APRT: variants seen among roughly 807,000 people sequenced by gnomAD.
APRT encodes the protein AMP diphosphorylase.
In APRT, 25 loss-of-function variants were observed where a neutral mutation model predicts 21.0. The ratio of observed to expected loss-of-function variants is 1.19; its 90% CI spans 0.87 to 1.66. The LOEUF (loss-of-function observed/expected upper bound fraction) is 1.66. Among genes scored for constraint, APRT ranks in the 40% most tolerant of loss-of-function variants. APRT has a pLI of 0.00. For missense variants in APRT, 294 were observed against 232.7 expected (o/e 1.26, Z -1.72); for synonymous variants, 153 against 109.0 (o/e 1.40, Z -2.52).
At chr16:88,811,519 A>G (rs1169324497) in intron 2 of APRT, 31 bp downstream of exon 2, 1 of 1,552,388 alleles carries the variant, frequency 6.4e-7, no homozygotes, top group East Asian at 2.4e-5. Flanking sequence ...CAGAGGCGGA[A>G]GCGCCCTAGA....
chr16:88,811,201 C>G, intron 2 of APRT: 3 of 473,530 alleles, frequency 6.3e-6, no homozygotes, highest in Non-Finnish European at 1.1e-5. Context: ...CAGGGAAGGC[C>G]TGGCTCGTGG....
chr16:88,810,933 G>A (rs978951836), intron 2 of APRT, among the ~76,000 whole-genome samples: 1 of 152,160 alleles, frequency 6.6e-6, no homozygotes, highest in African/African-American at 2.4e-5. Flanking sequence ...ATGGTTGGGG[G>A]ACGCTCAGGG....
chr16:88,811,352 G>C lies in APRT; in HGVS notation c.187+198C>G. On this transcript the variant is annotated intron_variant, in intron 2 of 4. Coordinates refer to ENST00000378364, the MANE Select transcript of APRT (RefSeq NM_000485.3). ...CTGGGCTGGGGACCCGGAACCTGCG[G>C]GAAGGACGCCTGCACAGCGCGGCGG... 3 of 611,424 alleles carry C rather than the reference G, an allele frequency of 4.9e-6. No homozygotes were observed. In the South Asian group the frequency reaches 6.0e-5, roughly 12 times the overall value. 37.9% of individuals were successfully genotyped at this position (611,424 alleles called of 1,614,324 possible).
At position 88,809,689 on chromosome 16, in the gene APRT, GC is replaced by G. The variant is rs1489679419; in HGVS notation, c.*8del. 2 of 1,613,260 alleles carry G rather than the reference GC, an allele frequency of 1.2e-6. No individual in the cohort carries two copies. Among genetic ancestry groups the G allele is most frequent in the South Asian group, 2.2e-5 (2 of 91,088 alleles). On this transcript the variant is annotated 3_prime_UTR_variant, in exon 5 of 5. Coordinates refer to ENST00000378364, the MANE Select transcript of APRT (RefSeq NM_000485.3). ...CCAGCTGGAGATGTTGGGCTGGGAG[GC>G]CCTGTGGTCACTCATACTGCAGGAG... is the stretch of plus-strand genomic sequence containing the variant.
At chr16:88,811,782 G>A (rs1909156080) in intron 1 of APRT, 38 bp downstream of exon 1, 1 of 1,531,444 alleles carries the variant, frequency 6.5e-7, no homozygotes, top group Non-Finnish European at 8.8e-7. Context: ...CCGTAGGCCC[G>A]CAGGTCGGGG....
intron 2 of APRT, 121 bp downstream of exon 2, chr16:88,811,429 C>G (rs1051392502): frequency 5.5e-6 from 6 of 1,084,806 alleles, no homozygotes; most frequent in Non-Finnish European, 5.3e-6. Context: ...GCACGGCGCC[C>G]GTCCCGGCGC....
intron 2 of APRT, chr16:88,811,238 G>C (rs896031268): frequency 8.2e-6 from 4 of 490,276 alleles, no homozygotes; most frequent in Non-Finnish European, 1.1e-5. Flanking sequence ...GCTCGCAGAA[G>C]GAACAAGAAG....
chr16:88,809,358 G>C lies in APRT; in HGVS notation c.*340C>G, dbSNP rs8191501. 1,628 of 477,980 alleles carry C rather than the reference G, an allele frequency of 3.4e-3. 34 individuals carry two copies. Among genetic ancestry groups the C allele is most frequent in the South Asian group, 0.025 (1,539 of 62,452 alleles). 29.6% of individuals were successfully genotyped at this position (477,980 alleles called of 1,614,324 possible). A position where few individuals can be genotyped will look rare whatever the true frequency, so the allele number is the denominator to read the frequency against. On this transcript the variant is annotated 3_prime_UTR_variant, in exon 5 of 5. Coordinates refer to ENST00000378364, the MANE Select transcript of APRT (RefSeq NM_000485.3). ...TTCTAGCTCCTGAGGTGAGAACCAG[G>C]ACAGGTTCTGCTGGGCATCACGCCA...
intron 1 of APRT, 65 bp downstream of exon 1, chr16:88,811,755 G>A: frequency 1.3e-6 from 2 of 1,509,794 alleles, no homozygotes; most frequent in Non-Finnish European, 1.8e-6. Context: ...CGGAGGTCGC[G>A]GGCCACGCGC....
intron 1 of APRT, 47 bp from the exon 2 acceptor site, chr16:88,811,703 G>C: frequency 1.3e-6 from 2 of 1,510,040 alleles, no homozygotes; most frequent in Non-Finnish European, 1.8e-6. Context: ...AAGGAGGGCA[G>C]GGCCCCGGGG....
In APRT at chr16:88,809,828, G is replaced by T; in HGVS notation, c.413C>A (p.Ala138Asp). 1 of 1,612,256 alleles carries T rather than the reference G, an allele frequency of 6.2e-7. No homozygotes were observed. Among genetic ancestry groups the T allele is most frequent in the Non-Finnish European group, 8.5e-7 (1 of 1,179,888 alleles). Residue 138 changes from alanine (A) to aspartate (D), a missense_variant, in exon 5 of 5, where the codon GCT becomes GAT. Physicochemically the swap from Ala to Asp is moderately radical, Grantham distance 126. Coordinates refer to ENST00000378364, the MANE Select transcript of APRT (RefSeq NM_000485.3). ...DLLATGGTMN[A>D]ACELLGRLQA... The stretch of plus-strand genomic sequence containing the variant: ...CAGGCGGCCCAGCAGCTCACAGGCA[G>T]CGTTCATGGTTCCTGGGGATGGGAG...
At chr16:88,810,299 C>A in intron 3 of APRT, 124 bp downstream of exon 3, 2 of 1,519,840 alleles carry the variant, frequency 1.3e-6, no homozygotes, top group Middle Eastern at 1.7e-4. Flanking sequence ...CCTCTCTGAG[C>A]TCCCAAGGCC....
intron 4 of APRT, 56 bp downstream of exon 4, chr16:88,810,014 T>C: frequency 6.3e-7 from 1 of 1,594,972 alleles, no homozygotes; most frequent in Non-Finnish European, 8.6e-7. Context: ...CGAGGTCCTG[T>C]CCCACTCCCA....
intron 4 of APRT, 66 bp downstream of exon 4, chr16:88,810,004 C>T (rs879204584): frequency 3.9e-5 from 62 of 1,584,544 alleles, no homozygotes; most frequent in Admixed American, 3.0e-4. Flanking sequence ...TGTCACACAG[C>T]GAGGTCCTGT....
chr16:88,810,593 G>A (rs200360230), intron 2 of APRT, 37 bp from the exon 3 acceptor site: 58 of 1,605,392 alleles, frequency 3.6e-5, no homozygotes, highest in Non-Finnish European at 7.6e-6. Context: ...TCGGCAGCAT[G>A]GGAATCCCCA....
At chr16:88,811,288 A>G in intron 2 of APRT, 1 of 560,316 alleles carries the variant, frequency 1.8e-6, no homozygotes, top group Non-Finnish European at 3.2e-6. Flanking sequence ...TGGGCACTCC[A>G]GGGAGACCAA....
At chr16:88,811,289 G>T in intron 2 of APRT, 1 of 560,902 alleles carries the variant, frequency 1.8e-6, no homozygotes. Flanking sequence ...GGGCACTCCA[G>T]GGAGACCAAC....
intron 1 of APRT, 80 bp from the exon 2 acceptor site, chr16:88,811,736 C>T: frequency 6.7e-7 from 1 of 1,500,894 alleles, no homozygotes; most frequent in Non-Finnish European, 8.9e-7. Flanking sequence ...GGTTCCCGCC[C>T]CGCCCGCCCG....
Position 88,810,558 on chromosome 16 carries a change from T to G in APRT, c.188-2A>C. The G allele has an allele frequency of 6.2e-7, 1 of 1,611,092 alleles. No individual in the cohort carries two copies. The highest frequency in any genetic ancestry group is 8.5e-7 in the Non-Finnish European group (1 of 1,179,554). ...AGAGGAAGCCTCGGGAGTCTAGGCC[T>G]GTCAGGGTAAGTGACAGGAGTGACT... On this transcript the variant is annotated splice_acceptor_variant, in intron 2 of 4. Coordinates refer to ENST00000378364, the MANE Select transcript of APRT (RefSeq NM_000485.3). LOFTEE classifies it high-confidence loss of function.
Sources: gnomAD v4.1 joint callset for allele counts (sites outside exome capture counted in the v4.1 genomes callset) on GRCh38, gnomAD v4.1.1 for gene constraint, MANE v1.5 for transcripts, NCBI Gene and HGNC (gene_info 2026-07-23, HGNC 2026-07-21) for gene names.